The following C11orf97 variants were observed in gnomAD, a reference collection of about 807,000 sequenced individuals.
The protein encoded by C11orf97 is chromosome 11 open reading frame 97, also known as uncharacterized protein C11orf97.
A neutral mutation model predicts 16.2 loss-of-function variants in C11orf97; 15 were observed. The observed-to-expected ratio is 0.93, with a 90% CI of 0.62 to 1.43. The LOEUF (loss-of-function observed/expected upper bound fraction) is 1.43, where lower values mean the gene tolerates loss of function less well. Ranked by LOEUF, C11orf97 falls within the 40% of genes most tolerant of loss-of-function variation. C11orf97 has a pLI of 0.00. For missense variants in C11orf97, 171 were observed against 161.2 expected (o/e 1.06, Z -0.33); for synonymous variants, 61 against 65.7 (o/e 0.93, Z 0.34).
chr11:94,514,483 T>C (rs1947594535), intron 1 of C11orf97, among the ~76,000 whole-genome samples: 1 of 152,216 alleles, frequency 6.6e-6, no homozygotes, highest in Admixed American at 6.5e-5. Context: ...TCTTTACAGC[T>C]TCTATTCCCT....
chr11:94,515,304 C>T (rs564163658), intron 1 of C11orf97, among the ~76,000 whole-genome samples: 1 of 150,664 alleles, frequency 6.6e-6, no homozygotes, highest in African/African-American at 2.4e-5. Flanking sequence ...GGAAAAAAAA[C>T]AAAAAACAAC....
At chr11:94,513,245 T>G (rs1947583907) in intron 1 of C11orf97, among the ~76,000 whole-genome samples, 1 of 152,214 alleles carries the variant, frequency 6.6e-6, no homozygotes, top group African/African-American at 2.4e-5. Flanking sequence ...TTTAACGCAC[T>G]GTTCTTTGCT....
intron 2 of C11orf97, among the ~76,000 whole-genome samples, chr11:94,522,418 T>C (rs574193447): frequency 6.6e-6 from 1 of 152,264 alleles, no homozygotes; most frequent in African/African-American, 2.4e-5. Context: ...GTGCCTGTAG[T>C]GCCAGCTACT....
At chr11:94,520,775 C>A (rs1947651694) in intron 2 of C11orf97, among the ~76,000 whole-genome samples, 1 of 152,194 alleles carries the variant, frequency 6.6e-6, no homozygotes, top group Non-Finnish European at 1.5e-5. Flanking sequence ...CTTTTGCAGG[C>A]CTGGCAATAG....
intron 1 of C11orf97, among the ~76,000 whole-genome samples, chr11:94,513,982 G>C (rs113516087): frequency 6.6e-6 from 1 of 152,066 alleles, no homozygotes; most frequent in Non-Finnish European, 1.5e-5. Context: ...TAATGTTTTC[G>C]CATTTTTAGT....
chr11:94,519,665 A>G (rs1367111759), intron 2 of C11orf97, among the ~76,000 whole-genome samples: 3 of 152,378 alleles, frequency 2.0e-5, no homozygotes, highest in South Asian at 4.1e-4. Flanking sequence ...TGCTTTTTAA[A>G]ATAACATCCA....
intron 2 of C11orf97, among the ~76,000 whole-genome samples, chr11:94,525,124 G>A (rs927868892): frequency 3.3e-5 from 5 of 151,380 alleles, no homozygotes; most frequent in African/African-American, 1.2e-4. Context: ...CATTCATTAT[G>A]GAAATAGTGC....
chr11:94,521,088 T>C (rs933370043), intron 2 of C11orf97, among the ~76,000 whole-genome samples: 1 of 152,192 alleles, frequency 6.6e-6, no homozygotes, highest in Non-Finnish European at 1.5e-5. Context: ...GATATCTTCC[T>C]CTCTCTTCAT....
intron 1 of C11orf97, among the ~76,000 whole-genome samples, chr11:94,514,056 C>G (rs548252224): frequency 6.6e-6 from 1 of 152,190 alleles, no homozygotes; most frequent in Non-Finnish European, 1.5e-5. Context: ...GTGATCCGCT[C>G]GCCTCAGCCT....
chr11:94,513,818 A>G (rs2135176011), intron 1 of C11orf97, among the ~76,000 whole-genome samples: 1 of 152,236 alleles, frequency 6.6e-6, no homozygotes, highest in East Asian at 1.9e-4. Context: ...TAAAATTATT[A>G]TGATTATTAT....
At chr11:94,530,237 T>C (rs1203203625) in intron 3 of C11orf97, among the ~76,000 whole-genome samples, 1 of 152,202 alleles carries the variant, frequency 6.6e-6, no homozygotes, top group Non-Finnish European at 1.5e-5. Flanking sequence ...CGGCCCTCCA[T>C]TTATTTCCAG....
intron 2 of C11orf97, among the ~76,000 whole-genome samples, chr11:94,527,701 T>C (rs1947710525): frequency 6.6e-6 from 1 of 152,212 alleles, no homozygotes; most frequent in Non-Finnish European, 1.5e-5. Context: ...TGATTTTTGG[T>C]CCTATTATCT....
At chr11:94,527,231 G>C (rs148407597) in intron 2 of C11orf97, among the ~76,000 whole-genome samples, 25 of 152,328 alleles carry the variant, frequency 1.6e-4, no homozygotes, top group Admixed American at 1.0e-3. Context: ...ATCCTTTAGA[G>C]AGGGATCAAA....
chr11:94,525,594 C>A (rs1308119166), intron 2 of C11orf97, among the ~76,000 whole-genome samples: 1 of 152,106 alleles, frequency 6.6e-6, no homozygotes, highest in African/African-American at 2.4e-5. Flanking sequence ...GTCTTCTGCA[C>A]CCAAAATATA....
chr11:94,512,617 TG>T lies in C11orf97; in HGVS notation c.93del (p.Cys32AlafsTer12). 1 of 1,265,772 alleles carries T rather than the reference TG, an allele frequency of 7.9e-7. No individual in the cohort carries two copies. The highest frequency in any genetic ancestry group is 1.0e-6 in the Non-Finnish European group (1 of 1,004,734). The allele number at this position is 1,265,772 out of a possible 1,614,324, so 78.4% of individuals were successfully genotyped here. On this transcript the variant is annotated frameshift_variant, in exon 1 of 4. Transcript: ENST00000542198. LOFTEE classifies it high-confidence loss of function. ...EEEQPPPPAGLGCGARGEPGR... is the reference protein window; with the variant it reads ...EEEQPPPPAGXGCGARGEPGR... ...GAGCAGCCTCCTCCGCCAGCAGGGCTGGGGTGCGGGGCGCGCGGGGAACCCG... is the reference window on the plus strand; with the variant it reads ...GAGCAGCCTCCTCCGCCAGCAGGGCTGGGTGCGGGGCGCGCGGGGAACCCG...
chr11:94,523,251 A>C (rs946239229), intron 2 of C11orf97, among the ~76,000 whole-genome samples: 3 of 152,204 alleles, frequency 2.0e-5, no homozygotes, highest in Non-Finnish European at 2.9e-5. Context: ...TAAACGCTAC[A>C]TACTGTTTTG....
chr11:94,520,116 A>T (rs1001641910), intron 2 of C11orf97, among the ~76,000 whole-genome samples: 1 of 152,102 alleles, frequency 6.6e-6, no homozygotes, highest in African/African-American at 2.4e-5. Flanking sequence ...TTGCTACTTC[A>T]CCTATTCTAA....
chr11:94,529,528 A>C (rs1265916926), intron 3 of C11orf97, among the ~76,000 whole-genome samples: 1 of 152,220 alleles, frequency 6.6e-6, no homozygotes, highest in Non-Finnish European at 1.5e-5. Flanking sequence ...CCACATGATC[A>C]TATGAGTTGA....
chr11:94,526,683 C>T (rs1045861339), intron 2 of C11orf97, among the ~76,000 whole-genome samples: 2 of 152,132 alleles, frequency 1.3e-5, no homozygotes, highest in African/African-American at 4.8e-5. Flanking sequence ...GGGGAGCAGC[C>T]CTTTTCTATC....
Sources: allele counts gnomAD v4.1 joint callset (sites outside exome capture counted in the v4.1 genomes callset), GRCh38; gene constraint gnomAD v4.1.1; transcripts MANE v1.5; gene names NCBI Gene and HGNC (gene_info 2026-07-23, HGNC 2026-07-21).